The following TANGO6 variants were observed in gnomAD, a reference collection of about 807,000 sequenced individuals.
TANGO6 encodes the protein transport and golgi organization 6 homolog.
TANGO6 carries 90 observed loss-of-function variants against 114.2 expected under a neutral mutation model. The ratio of observed to expected loss-of-function variants is 0.79; its 90% CI spans 0.66 to 0.94. The LOEUF (loss-of-function observed/expected upper bound fraction) is 0.94, where lower values mean the gene tolerates loss of function less well. Among genes scored for constraint, TANGO6 ranks in the 40% least tolerant of loss-of-function variants. The probability of loss-of-function intolerance (pLI) is 0.00; values close to 1 mark genes in which losing one functional copy is unlikely to be tolerated. For synonymous variants in TANGO6, 477 were observed against 509.8 expected (o/e 0.94, Z 0.87); for missense variants, 1,274 against 1,315.3 (o/e 0.97, Z 0.49).
At chr16:69,025,306 G>A (rs867266765) in intron 16 of TANGO6, among the ~76,000 whole-genome samples, 37 of 152,278 alleles carry the variant, frequency 2.4e-4, no homozygotes, top group Middle Eastern at 6.8e-3. Context: ...GCAATGAAAC[G>A]GCTCTCAGCA....
chr16:68,846,376 A>G (rs764897874), intron 1 of TANGO6: 19 of 201,774 alleles, frequency 9.4e-5, no homozygotes, highest in Non-Finnish European at 2.0e-4. Context: ...CCAGTCTGTC[A>G]TGATAGGTTG....
intron 10 of TANGO6, 27 bp from the exon 11 acceptor site, chr16:68,909,184 A>G: frequency 6.9e-7 from 1 of 1,456,884 alleles, no homozygotes; most frequent in Non-Finnish European, 9.1e-7. Flanking sequence ...CTTTATCTTC[A>G]CTTTTTCTTT....
chr16:68,884,952 T>C (rs995653207), intron 7 of TANGO6, among the ~76,000 whole-genome samples: 1 of 152,132 alleles, frequency 6.6e-6, no homozygotes, highest in African/African-American at 2.4e-5. Context: ...GTTGTGAAAC[T>C]AAGAGGGGTG....
At chr16:68,946,296 A>G (rs752744183) in intron 14 of TANGO6, among the ~76,000 whole-genome samples, 29 of 150,826 alleles carry the variant, frequency 1.9e-4, no homozygotes, top group African/African-American at 6.8e-4. Context: ...GGTTCACGCC[A>G]TTCTCCTGCC....
intron 17 of TANGO6, among the ~76,000 whole-genome samples, chr16:69,049,899 G>C (rs571947385): frequency 6.6e-6 from 1 of 152,170 alleles, no homozygotes; most frequent in Admixed American, 6.5e-5. Context: ...CCATGGTGTA[G>C]CATATATCAG....
At chr16:68,858,118 C>T (rs2152155852) in intron 1 of TANGO6, among the ~76,000 whole-genome samples, 1 of 150,606 alleles carries the variant, frequency 6.6e-6, no homozygotes, top group African/African-American at 2.4e-5. Flanking sequence ...GGCTGGAGTG[C>T]AGTGGCACGA....
chr16:69,011,582 G>T (rs1179031417), intron 15 of TANGO6, among the ~76,000 whole-genome samples: 1 of 151,758 alleles, frequency 6.6e-6, no homozygotes, highest in Admixed American at 6.6e-5. Context: ...AGCCTCCCTA[G>T]TAGCTGGGAC....
At chr16:68,957,880 TA>T in intron 14 of TANGO6, among the ~76,000 whole-genome samples, 1 of 151,984 alleles carries the variant, frequency 6.6e-6, no homozygotes, top group East Asian at 1.9e-4. Context: ...TAACTAAAAT[TA>T]AAAATTCAGG....
At chr16:68,851,252 C>G (rs1319478019) in intron 1 of TANGO6, among the ~76,000 whole-genome samples, 1 of 152,072 alleles carries the variant, frequency 6.6e-6, no homozygotes, top group Non-Finnish European at 1.5e-5. Flanking sequence ...CTCCGTCTCC[C>G]AGGTTCAAGC....
At chr16:69,024,230 G>T (rs548194897) in intron 16 of TANGO6, among the ~76,000 whole-genome samples, 2 of 150,104 alleles carry the variant, frequency 1.3e-5, no homozygotes, top group Non-Finnish European at 3.0e-5. Context: ...TGAAATGTGC[G>T]TCTTGCCCCT....
chr16:69,028,232 A>T (rs1959537033), intron 16 of TANGO6, among the ~76,000 whole-genome samples: 1 of 151,838 alleles, frequency 6.6e-6, no homozygotes, highest in South Asian at 2.1e-4. Flanking sequence ...AAGTGCTGGG[A>T]TTATAGGCGT....
At chr16:68,902,123 C>T (rs780882598) in intron 8 of TANGO6, among the ~76,000 whole-genome samples, 1 of 151,410 alleles carries the variant, frequency 6.6e-6, no homozygotes, top group Non-Finnish European at 1.5e-5. Context: ...AAGGATTAGT[C>T]AGTCACTCAT....
At chr16:68,958,534 G>GGA (rs967126002) in intron 14 of TANGO6, among the ~76,000 whole-genome samples, 1 of 150,528 alleles carries the variant, frequency 6.6e-6, no homozygotes, top group Admixed American at 6.6e-5. Context: ...AGCAGGGGAG[G>GGA]GAGAGAGAGA....
chr16:68,950,512 C>CTGATGTGGCACCGTTGCACT, intron 14 of TANGO6, among the ~76,000 whole-genome samples: 1 of 151,254 alleles, frequency 6.6e-6, no homozygotes, highest in East Asian at 1.9e-4. Context: ...TTGCAGTGAG[C>CTGATGTGGCACCGTTGCACT]CGAGATCGAG....
At chr16:68,995,175 G>C (rs1339947724) in intron 15 of TANGO6, among the ~76,000 whole-genome samples, 1 of 152,080 alleles carries the variant, frequency 6.6e-6, no homozygotes, top group African/African-American at 2.4e-5. Flanking sequence ...TACTTGTGTG[G>C]TCTGTGTGTG....
intron 14 of TANGO6, among the ~76,000 whole-genome samples, chr16:68,972,787 T>C (rs1257085047): frequency 1.3e-5 from 2 of 151,924 alleles, no homozygotes; most frequent in Non-Finnish European, 2.9e-5. Context: ...GAGTAAAGAG[T>C]GGCAGGGGAA....
chr16:68,966,429 G>A (rs1470905959), intron 14 of TANGO6, among the ~76,000 whole-genome samples: 1 of 150,416 alleles, frequency 6.6e-6, no homozygotes, highest in Non-Finnish European at 1.5e-5. Context: ...ATTTGAATCC[G>A]GGAGGCAGAG....
At chr16:68,847,411 T>G (rs910888409) in intron 1 of TANGO6, among the ~76,000 whole-genome samples, 2 of 152,148 alleles carry the variant, frequency 1.3e-5, no homozygotes, top group Non-Finnish European at 2.9e-5. Context: ...GCCTCCAATT[T>G]ATTTCCAAGT....
At chr16:69,041,307 G>A (rs1299599165) in intron 17 of TANGO6, among the ~76,000 whole-genome samples, 2 of 152,038 alleles carry the variant, frequency 1.3e-5, no homozygotes, top group African/African-American at 4.8e-5. Flanking sequence ...TTAGCCAGGT[G>A]TGGTGGCGCA....
Sources: gnomAD v4.1 joint callset for allele counts (sites outside exome capture counted in the v4.1 genomes callset) on GRCh38, gnomAD v4.1.1 for gene constraint, MANE v1.5 for transcripts, NCBI Gene and HGNC (gene_info 2026-07-23, HGNC 2026-07-21) for gene names.